Variants in SETBP1 observed in about 807,000 individuals in gnomAD.
SETBP1 encodes the protein SET-binding protein.
In SETBP1, 9 loss-of-function variants were observed where a neutral mutation model predicts 101.0. That is an observed-to-expected ratio of 0.09 (90% CI 0.05 to 0.16). The LOEUF (loss-of-function observed/expected upper bound fraction) is 0.16, where lower values mean the gene tolerates loss of function less well. Ranked by LOEUF, SETBP1 falls within the 10% of genes least tolerant of loss-of-function variation. The probability of loss-of-function intolerance (pLI) is 1.00; values close to 1 mark genes in which losing one functional copy is unlikely to be tolerated. For synonymous variants in SETBP1, 818 were observed against 788.5 expected, an observed-to-expected ratio of 1.04 and a Z score of -0.63; for missense variants, 1,858 against 2,033.8, an observed-to-expected ratio of 0.91 and a Z score of 1.66.
intron 3 of SETBP1, among the ~76,000 whole-genome samples, chr18:44,880,988 T>C (rs1599268712): frequency 2.0e-5 from 3 of 152,318 alleles, no homozygotes; most frequent in African/African-American, 2.4e-5. Flanking sequence ...TGGGACCTAT[T>C]CTAGGGCTGC....
chr18:44,819,102 T>A (rs190540073), intron 2 of SETBP1, among the ~76,000 whole-genome samples: 3 of 152,196 alleles, frequency 2.0e-5, no homozygotes, highest in Admixed American at 6.5e-5. Flanking sequence ...TTCTCTGAGA[T>A]TGTTTCATTC....
intron 3 of SETBP1, among the ~76,000 whole-genome samples, chr18:44,892,099 A>G (rs1220189366): frequency 6.6e-6 from 1 of 152,204 alleles, no homozygotes; most frequent in African/African-American, 2.4e-5. Context: ...ACATTCAAAC[A>G]TTTTGACAGT....
intron 3 of SETBP1, among the ~76,000 whole-genome samples, chr18:44,935,741 A>G (rs891070361): frequency 1.3e-5 from 2 of 152,248 alleles, no homozygotes; most frequent in African/African-American, 2.4e-5. Flanking sequence ...ATTCTTAACC[A>G]TAAACAAGCA....
intron 2 of SETBP1, among the ~76,000 whole-genome samples, chr18:44,787,704 A>C (rs1459574031): frequency 4.0e-4 from 56 of 139,742 alleles, no homozygotes; most frequent in African/African-American, 1.2e-3. Context: ...AATACAAAAA[A>C]TTAGCCGGGC....
chr18:44,716,960 C>T (rs1450240624), intron 2 of SETBP1, among the ~76,000 whole-genome samples: 1 of 152,212 alleles, frequency 6.6e-6, no homozygotes, highest in East Asian at 1.9e-4. Flanking sequence ...CATTTTGCTA[C>T]TTAGAGGAGC....
chr18:44,755,386 A>C (rs1254392732), intron 2 of SETBP1, among the ~76,000 whole-genome samples: 2 of 152,222 alleles, frequency 1.3e-5, no homozygotes, highest in Non-Finnish European at 2.9e-5. Context: ...AATGTGAGGC[A>C]TCATCCAATT....
chr18:45,040,126 T>C (rs2073480110), intron 5 of SETBP1, among the ~76,000 whole-genome samples: 1 of 152,218 alleles, frequency 6.6e-6, no homozygotes, highest in African/African-American at 2.4e-5. Flanking sequence ...TGGTGTTCTC[T>C]CCAGCCATTT....
At chr18:44,722,436 G>C (rs1034741317) in intron 2 of SETBP1, among the ~76,000 whole-genome samples, 86 of 152,252 alleles carry the variant, frequency 5.6e-4, no homozygotes, top group Non-Finnish European at 1.6e-4. Flanking sequence ...CGTATTTAGG[G>C]CAGCTTGTTA....
In SETBP1 at chr18:45,067,192, T is replaced by A. The variant is rs1243457807; in HGVS notation, c.*3494T>A. 1.3e-5 allele frequency: 2 copies of A among 152,202 alleles called. No homozygotes were observed. The allele number at this position is 152,202 out of a possible 1,614,324, so 9.4% of individuals were successfully genotyped here. A position where few individuals can be genotyped will look rare whatever the true frequency, so the allele number is the denominator to read the frequency against. On this transcript the variant is annotated 3_prime_UTR_variant, in exon 6 of 6. Transcript: ENST00000649279. ...GCCATGTTCAATGGCAGTCAGAATT[T>A]GTGTTCTGCGCATTGCTGGGTCTAT...
intron 4 of SETBP1, among the ~76,000 whole-genome samples, chr18:45,036,066 G>A (rs886816966): frequency 2.6e-5 from 4 of 152,182 alleles, no homozygotes; most frequent in African/African-American, 9.6e-5. Flanking sequence ...AGGTGCCGTG[G>A]CTTATGCCTG....
chr18:44,886,530 A>G (rs2069652046), intron 3 of SETBP1, among the ~76,000 whole-genome samples: 2 of 151,956 alleles, frequency 1.3e-5, no homozygotes, highest in South Asian at 4.2e-4. Context: ...TTTTATATTT[A>G]TATGTCAAGG....
chr18:44,894,735 C>T (rs997256902), intron 3 of SETBP1, among the ~76,000 whole-genome samples: 1 of 151,782 alleles, frequency 6.6e-6, no homozygotes, highest in Non-Finnish European at 1.5e-5. Flanking sequence ...GAGGCAAGTA[C>T]AGTACAAAAA....
At chr18:44,688,694 C>T (rs2068878673) in intron 1 of SETBP1, among the ~76,000 whole-genome samples, 1 of 152,084 alleles carries the variant, frequency 6.6e-6, no homozygotes, top group Non-Finnish European at 1.5e-5. Flanking sequence ...ACCTCATGAT[C>T]CGCCTGCCTC....
Position 44,729,450 on chromosome 18 carries a change from T to G in SETBP1, c.486+27618T>G, listed in dbSNP as rs940280699. Among the ~76,000 whole-genome samples the G allele has an allele frequency of 2.6e-5, 4 of 152,362 alleles. 1 individual carries two copies. Among genetic ancestry groups the G allele is most frequent in the African/African-American group, 7.2e-5 (3 of 41,582 alleles). On this transcript the variant is annotated intron_variant, in intron 2 of 5. Transcript: ENST00000649279. ...AGGCATTAAGCAGGTAGCATCTGCA[T>G]GACTCAGTGGCTAATGGGATTTAGT...
chr18:45,059,841 A>G (rs1445264803), intron 5 of SETBP1, among the ~76,000 whole-genome samples: 1 of 151,998 alleles, frequency 6.6e-6, no homozygotes, highest in African/African-American at 2.4e-5. Context: ...GCTTAATAAA[A>G]CTCTATGAGG....
chr18:44,922,059 G>A (rs1024030576), intron 3 of SETBP1, among the ~76,000 whole-genome samples: 3 of 152,156 alleles, frequency 2.0e-5, no homozygotes, highest in Non-Finnish European at 4.4e-5. Context: ...AGATGTATAA[G>A]CATAAGAGAT....
rs549667216 is a variant in SETBP1, at chr18:44,771,052, C to A, written c.486+69220C>A. 4.6e-5 allele frequency among the ~76,000 whole-genome samples: 7 copies of A among 152,068 alleles called. No individual in the cohort carries two copies. The South Asian group carries it at 1.5e-3, about 32-fold the overall frequency. ...CTTGCAGGGAGGCCAATACCATGAT[C>A]TCTGATAGCCTATGTCACTCATTTT... On this transcript the variant is annotated intron_variant, in intron 2 of 5. Transcript: ENST00000649279.
intron 4 of SETBP1, among the ~76,000 whole-genome samples, chr18:45,035,807 C>T (rs74400206): frequency 0.012 from 1,802 of 152,284 alleles, 34 homozygotes; most frequent in African/African-American, 0.041. Context: ...TGCCTCCATC[C>T]ATTCGGTGGG....
intron 2 of SETBP1, among the ~76,000 whole-genome samples, chr18:44,852,804 C>T (rs964598465): frequency 1.3e-5 from 2 of 152,198 alleles, no homozygotes; most frequent in African/African-American, 4.8e-5. Context: ...CTTCTCCTTC[C>T]CCTCACTGGA....
Sources: gnomAD v4.1 joint callset for allele counts (sites outside exome capture counted in the v4.1 genomes callset) on GRCh38, gnomAD v4.1.1 for gene constraint, MANE v1.5 for transcripts, NCBI Gene and HGNC (gene_info 2026-07-23, HGNC 2026-07-21) for gene names.